STX12: variants seen among roughly 807,000 people sequenced by gnomAD.
The protein encoded by STX12 is syntaxin 12, also known as syntaxin-12.
STX12 carries 17 observed loss-of-function variants against 42.2 expected under a neutral mutation model. The ratio of observed to expected loss-of-function variants is 0.40; its 90% CI spans 0.28 to 0.60. STX12 has a LOEUF of 0.60. STX12 is among the 20% of genes least tolerant of loss of function. The pLI is 0.39. For missense variants in STX12, 297 were observed against 330.9 expected (o/e 0.90, Z 0.79); for synonymous variants, 108 against 116.7 (o/e 0.93, Z 0.48).
intron 3 of STX12, among the ~76,000 whole-genome samples, chr1:27,798,968 C>A (rs369226016): frequency 0.046 from 6,691 of 146,418 alleles, 191 homozygotes; most frequent in African/African-American, 0.081. Flanking sequence ...AAAAAAAAAA[C>A]AAAAACATAA....
chr1:27,810,061 A>T, intron 4 of STX12, 185 bp from the exon 5 acceptor site: 1 of 533,602 alleles, frequency 1.9e-6, no homozygotes, highest in Non-Finnish European at 3.3e-6. Context: ...TGGAATGCAG[A>T]TTTTCTTCAA....
intron 4 of STX12, among the ~76,000 whole-genome samples, chr1:27,805,442 ATT>A (rs957490793): frequency 1.3e-5 from 2 of 151,922 alleles, no homozygotes; most frequent in Non-Finnish European, 2.9e-5. Flanking sequence ...ATTTTTGCAA[ATT>A]TTTTTTATTT....
intron 2 of STX12, among the ~76,000 whole-genome samples, chr1:27,790,055 T>C (rs754206756): frequency 6.6e-6 from 1 of 152,100 alleles, no homozygotes; most frequent in Non-Finnish European, 1.5e-5. Flanking sequence ...CAACCACAGA[T>C]AGAAAATATT....
chr1:27,817,974 A>G (rs370075976), intron 7 of STX12, 51 bp downstream of exon 7: 5 of 1,511,548 alleles, frequency 3.3e-6, no homozygotes, highest in Non-Finnish European at 4.6e-6. Context: ...AGTATTTGGC[A>G]TGCATCTGTA....
chr1:27,816,280 C>CT (rs1259990670), intron 6 of STX12, among the ~76,000 whole-genome samples: 3 of 151,950 alleles, frequency 2.0e-5, no homozygotes, highest in Admixed American at 6.5e-5. Flanking sequence ...CACCATTGCA[C>CT]TCCAGCCTAG....
At chr1:27,814,868 C>G (rs6598906) in intron 6 of STX12, among the ~76,000 whole-genome samples, 2 of 149,660 alleles carry the variant, frequency 1.3e-5, no homozygotes, top group African/African-American at 4.9e-5. Context: ...AGTTGGCCCT[C>G]GATATATTTA....
In STX12 at chr1:27,822,372, G is replaced by GACTTCAACAAGCACT; in HGVS notation, c.*43_*44insACTTCAACAAGCACT. Reference sequence around the variant, plus strand: ...CCCGCTGAGCTGTTTTCAAGGGCAAGTGCTTGTTGAAGTCTTGCCAGAACA... The same window carrying GACTTCAACAAGCACT: ...CCCGCTGAGCTGTTTTCAAGGGCAAGACTTCAACAAGCACTTGCTTGTTGAAGTCTTGCCAGAACA... On this transcript the variant is annotated 3_prime_UTR_variant, in exon 9 of 9. Coordinates refer to ENST00000373943, the MANE Select transcript of STX12 (RefSeq NM_177424.3). 1.5e-6 allele frequency: 2 copies of GACTTCAACAAGCACT among 1,302,006 alleles called. No individual in the cohort carries two copies. Among genetic ancestry groups the GACTTCAACAAGCACT allele is most frequent in the Non-Finnish European group, 2.2e-6 (2 of 895,380 alleles). 80.7% of individuals were successfully genotyped at this position (1,302,006 alleles called of 1,614,324 possible).
chr1:27,773,709 AGT>A (rs1466722477), intron 1 of STX12: 1 of 356,138 alleles, frequency 2.8e-6, no homozygotes, highest in Admixed American at 3.8e-5. Flanking sequence ...TGGGAAGGGG[AGT>A]GTGTGTCACC....
intron 1 of STX12, among the ~76,000 whole-genome samples, chr1:27,786,000 A>G (rs896356553): frequency 6.6e-6 from 1 of 152,198 alleles, no homozygotes; most frequent in African/African-American, 2.4e-5. Context: ...CTGTGTGACT[A>G]CATTCTTTTT....
At chr1:27,789,836 C>G (rs985878306) in intron 2 of STX12, among the ~76,000 whole-genome samples, 5 of 152,190 alleles carry the variant, frequency 3.3e-5, no homozygotes, top group Non-Finnish European at 7.3e-5. Context: ...AGTCTTTGAA[C>G]TCTGGTTCTT....
intron 1 of STX12, among the ~76,000 whole-genome samples, chr1:27,782,139 TC>T (rs1228483187): frequency 6.6e-6 from 1 of 152,176 alleles, no homozygotes; most frequent in Non-Finnish European, 1.5e-5. Flanking sequence ...TCTTGCTCTG[TC>T]ACCCAGGATG....
intron 7 of STX12, among the ~76,000 whole-genome samples, chr1:27,818,236 C>G (rs190285350): frequency 1.2e-3 from 186 of 152,186 alleles, no homozygotes; most frequent in African/African-American, 4.3e-3. Context: ...AAAAAATTAG[C>G]TACGCCTGGT....
chr1:27,779,128 C>T (rs1447878882), intron 1 of STX12, among the ~76,000 whole-genome samples: 1 of 152,124 alleles, frequency 6.6e-6, no homozygotes, highest in Non-Finnish European at 1.5e-5. Context: ...TCTTTGCTAT[C>T]CTCTTAAGTA....
At chr1:27,790,956 AAAAAT>A (rs1207956399) in intron 2 of STX12, among the ~76,000 whole-genome samples, 4 of 150,070 alleles carry the variant, frequency 2.7e-5, no homozygotes, top group African/African-American at 9.8e-5. Context: ...AAATAAAAAT[AAAAAT>A]AAAAAATAAA....
intron 3 of STX12, among the ~76,000 whole-genome samples, chr1:27,801,207 C>T (rs1167037105): frequency 3.3e-5 from 5 of 151,960 alleles, no homozygotes; most frequent in East Asian, 1.9e-4. Context: ...TACAATAGCC[C>T]GGCCAACATG....
chr1:27,773,326 G>T lies in STX12; in HGVS notation c.19G>T (p.Asp7Tyr). ...CCTCGTCATGTCATACGGTCCCTTA[G>T]ACATGTACCGGAACCCGGGGCCCTC... MSYGPL[D>Y]MYRNPGPSGP... Residue 7 changes from aspartate to tyrosine, a missense_variant, in exon 1 of 9, where the codon GAC becomes TAC. By Grantham distance (160) the Asp-to-Tyr change is radical (BLOSUM62 -3). Transcript: ENST00000373943. The T allele has an allele frequency of 1.9e-6, 3 of 1,611,066 alleles. No individual in the cohort carries two copies. The highest frequency in any genetic ancestry group is 2.5e-6 in the Non-Finnish European group (3 of 1,178,392).
chr1:27,821,781 C>T (rs1482346914), intron 8 of STX12, among the ~76,000 whole-genome samples: 1 of 152,142 alleles, frequency 6.6e-6, no homozygotes, highest in Non-Finnish European at 1.5e-5. Flanking sequence ...CTTTGGGAAG[C>T]CGAGGCAGGT....
chr1:27,803,958 G>T (rs1221905346), intron 4 of STX12, among the ~76,000 whole-genome samples: 1 of 150,966 alleles, frequency 6.6e-6, no homozygotes, highest in Non-Finnish European at 1.5e-5. Context: ...CTGAGATTGT[G>T]CCCCTGTGCT....
chr1:27,808,938 CAG>C (rs2088882889), intron 4 of STX12, among the ~76,000 whole-genome samples: 2 of 152,128 alleles, frequency 1.3e-5, no homozygotes, highest in South Asian at 2.1e-4. Context: ...TATGATAAAT[CAG>C]AGTTATTGTA....
Sources: allele counts gnomAD v4.1 joint callset (sites outside exome capture counted in the v4.1 genomes callset), GRCh38; gene constraint gnomAD v4.1.1; transcripts MANE v1.5; gene names NCBI Gene and HGNC (gene_info 2026-07-23, HGNC 2026-07-21).